The following SPAG16 variants were observed in gnomAD, a reference collection of about 807,000 sequenced individuals.
SPAG16 encodes sperm associated antigen 16, also known as sperm-associated antigen 16 protein.
Under a neutral mutation model 80.4 loss-of-function variants are expected in SPAG16, and 86 were observed. That is an observed-to-expected ratio of 1.07 (90% CI 0.90 to 1.28). The LOEUF (loss-of-function observed/expected upper bound fraction) is 1.28, where lower values mean the gene tolerates loss of function less well. SPAG16 is among the 50% of genes most tolerant of loss of function. SPAG16 has a pLI of 0.00. For synonymous variants in SPAG16, 294 were observed against 265.9 expected, an observed-to-expected ratio of 1.11 and a Z score of -1.03; for missense variants, 870 against 765.3, an observed-to-expected ratio of 1.14 and a Z score of -1.61.
intron 10 of SPAG16, among the ~76,000 whole-genome samples, chr2:213,715,226 A>ATCTG (rs2066179832): frequency 1.0e-5 from 1 of 99,864 alleles, no homozygotes; most frequent in Non-Finnish European, 2.2e-5. Context: ...CTATCTGTCT[A>ATCTG]TCTATCTATC....
intron 9 of SPAG16, among the ~76,000 whole-genome samples, chr2:213,411,989 A>G (rs2068994539): frequency 3.3e-5 from 5 of 152,198 alleles, no homozygotes; most frequent in Admixed American, 3.3e-4. Flanking sequence ...CAAAGAATTA[A>G]TATGTCAGTA....
intron 9 of SPAG16, among the ~76,000 whole-genome samples, chr2:213,476,114 A>G (rs960248288): frequency 6.7e-4 from 102 of 152,258 alleles, no homozygotes; most frequent in African/African-American, 2.4e-3. Flanking sequence ...AACTAAGCCA[A>G]GTATTCATTC....
intron 5 of SPAG16, among the ~76,000 whole-genome samples, chr2:213,319,397 G>T (rs1397481985): frequency 1.3e-5 from 2 of 151,788 alleles, no homozygotes; most frequent in Admixed American, 6.6e-5. Flanking sequence ...TTTTTGCAAG[G>T]TATATAAATT....
intron 15 of SPAG16, among the ~76,000 whole-genome samples, chr2:214,196,815 G>A (rs1576472399): frequency 6.6e-6 from 1 of 151,938 alleles, no homozygotes; most frequent in Non-Finnish European, 1.5e-5. Flanking sequence ...CTGAAGGATA[G>A]TATAATGCAC....
intron 11 of SPAG16, among the ~76,000 whole-genome samples, chr2:213,869,275 ATATATG>A (rs1559538174): frequency 8.5e-6 from 1 of 117,196 alleles, no homozygotes; most frequent in African/African-American, 2.7e-5. Flanking sequence ...ATATATATAT[ATATATG>A]TATATATATA....
At chr2:213,420,617 G>T (rs2069526739) in intron 9 of SPAG16, among the ~76,000 whole-genome samples, 1 of 152,148 alleles carries the variant, frequency 6.6e-6, no homozygotes, top group African/African-American at 2.4e-5. Flanking sequence ...TTAAATAATT[G>T]TCTTAAGGCC....
chr2:213,877,062 T>C (rs753725200), intron 11 of SPAG16, among the ~76,000 whole-genome samples: 2 of 152,158 alleles, frequency 1.3e-5, no homozygotes, highest in Non-Finnish European at 2.9e-5. Flanking sequence ...TTGTACATCA[T>C]AGAAGATTCT....
chr2:213,801,125 A>G (rs946479276), intron 10 of SPAG16, among the ~76,000 whole-genome samples: 2 of 152,220 alleles, frequency 1.3e-5, no homozygotes, highest in African/African-American at 4.8e-5. Context: ...ATGTCTTCAG[A>G]TCTTTTCTGG....
chr2:213,719,704 T>G (rs2372095), intron 10 of SPAG16, among the ~76,000 whole-genome samples: 132,727 of 152,142 alleles, frequency 0.87, 60,062 homozygotes, highest in East Asian at 1. Context: ...CTGGAGAGGA[T>G]GTGGAGAAAT....
At chr2:214,090,379 A>G (rs2125310504) in intron 13 of SPAG16, among the ~76,000 whole-genome samples, 1 of 152,078 alleles carries the variant, frequency 6.6e-6, no homozygotes, top group South Asian at 2.1e-4. Context: ...CAAGTCTTTC[A>G]AAAGCAACCA....
intron 15 of SPAG16, among the ~76,000 whole-genome samples, chr2:214,261,106 TCAAAAAAAAAAAAAAAAAAAAAAAA>T (rs1204735187): frequency 3.0e-5 from 1 of 33,402 alleles, no homozygotes; most frequent in Admixed American, 6.1e-4. Context: ...AGACTCAGTC[TCAAAAAAAAAAAAAAAAAAAAAAAA>T]AAAAAAAAAA....
chr2:213,480,142 G>T (rs939226107), intron 9 of SPAG16, among the ~76,000 whole-genome samples: 2 of 152,198 alleles, frequency 1.3e-5, no homozygotes, highest in Non-Finnish European at 2.9e-5. Context: ...GTAGCTAATA[G>T]TAGAAGTTAG....
chr2:213,477,685 A>G (rs970840232), intron 9 of SPAG16, among the ~76,000 whole-genome samples: 2 of 152,192 alleles, frequency 1.3e-5, no homozygotes, highest in African/African-American at 4.8e-5. Flanking sequence ...CTAGGAAATA[A>G]CTAACTTGCT....
At chr2:213,614,440 G>T (rs1265617125) in intron 10 of SPAG16, among the ~76,000 whole-genome samples, 1 of 152,196 alleles carries the variant, frequency 6.6e-6, no homozygotes, top group East Asian at 1.9e-4. Context: ...AAGAGTGGAT[G>T]CAATTTACTT....
intron 11 of SPAG16, among the ~76,000 whole-genome samples, chr2:213,905,339 C>T (rs974978611): frequency 6.6e-6 from 1 of 152,050 alleles, no homozygotes; most frequent in African/African-American, 2.4e-5. Flanking sequence ...TATAATAACT[C>T]GGGCAAAATT....
At chr2:213,901,369 C>A (rs10182880) in intron 11 of SPAG16, among the ~76,000 whole-genome samples, 88,854 of 151,860 alleles carry the variant, frequency 0.59, 27,803 homozygotes, top group South Asian at 0.84. Context: ...AAGGCCTGAA[C>A]GCATTTCACC....
chr2:214,192,002 C>T lies in SPAG16; in HGVS notation c.1720+42736C>T, dbSNP rs111843712. 8.2e-3 allele frequency among the ~76,000 whole-genome samples: 1,243 copies of T among 151,760 alleles called. 22 individuals carry two copies. The highest frequency in any genetic ancestry group is 0.029 in the African/African-American group (1,189 of 41,426). On this transcript the variant is annotated intron_variant, in intron 15 of 15. Coordinates refer to ENST00000331683, the MANE Select transcript of SPAG16 (RefSeq NM_024532.5). Reference sequence around the variant, plus strand: ...TTACTTTGGGAAAAAAAAAACAGGACTAGGACAAAAGAATGGATTAGTAAG... The same window carrying T: ...TTACTTTGGGAAAAAAAAAACAGGATTAGGACAAAAGAATGGATTAGTAAG...
In SPAG16 at chr2:213,361,571, T is replaced by C. The variant is rs908216820; in HGVS notation, c.763-2505T>C. 2.0e-5 allele frequency among the ~76,000 whole-genome samples: 3 copies of C among 151,606 alleles called. No individual in the cohort carries two copies. In the Admixed American group the frequency reaches 2.0e-4, roughly 10 times the overall value. ...GGTTCTTTGGAGAAGTGTCTGATTC[T>C]AGAGCTGGGCAGATAAAATACTAGA... On this transcript the variant is annotated intron_variant, in intron 7 of 15. Transcript: ENST00000331683.
chr2:214,155,155 A>T (rs1209884390), intron 15 of SPAG16, among the ~76,000 whole-genome samples: 1 of 152,146 alleles, frequency 6.6e-6, no homozygotes, highest in African/African-American at 2.4e-5. Context: ...AGAGAACTGG[A>T]GATCTGCAGA....
Sources: allele counts gnomAD v4.1 joint callset (sites outside exome capture counted in the v4.1 genomes callset), GRCh38; gene constraint gnomAD v4.1.1; transcripts MANE v1.5; gene names NCBI Gene and HGNC (gene_info 2026-07-23, HGNC 2026-07-21).